Variants in SFRP4 observed in about 807,000 individuals in gnomAD.
The protein encoded by SFRP4 is secreted frizzled-related protein 4.
SFRP4 carries 25 observed loss-of-function variants against 36.3 expected under a neutral mutation model. The ratio of observed to expected loss-of-function variants is 0.69; its 90% CI spans 0.50 to 0.96. The LOEUF (loss-of-function observed/expected upper bound fraction) is 0.96, where lower values mean the gene tolerates loss of function less well. Ranked by LOEUF, SFRP4 falls within the 40% of genes least tolerant of loss-of-function variation. The probability of loss-of-function intolerance (pLI) is 0.00; values close to 1 mark genes in which losing one functional copy is unlikely to be tolerated. For missense variants in SFRP4, 487 were observed against 459.6 expected, an observed-to-expected ratio of 1.06 and a Z score of -0.54; for synonymous variants, 182 against 168.8, an observed-to-expected ratio of 1.08 and a Z score of -0.60.
At chr7:37,912,375 G>A (rs1785507003) in intron 3 of SFRP4, 58 bp from the exon 4 acceptor site, 1 of 1,383,808 alleles carries the variant, frequency 7.2e-7, no homozygotes, top group Non-Finnish European at 1.0e-6. Context: ...AACTAGGGAT[G>A]GTGTATTCAT....
At chr7:37,914,156 T>G in intron 3 of SFRP4, 57 bp downstream of exon 3, 2 of 1,349,736 alleles carry the variant, frequency 1.5e-6, no homozygotes, top group South Asian at 2.4e-5. Flanking sequence ...CTTATTGAGA[T>G]TCCAGCTTTG....
chr7:37,911,224 G>GT (rs1785481017), intron 4 of SFRP4, among the ~76,000 whole-genome samples: 1 of 152,220 alleles, frequency 6.6e-6, no homozygotes, highest in Non-Finnish European at 1.5e-5. Context: ...TATCCATGTT[G>GT]TAAGGAGGGC....
At chr7:37,913,514 T>C (rs1583655246) in intron 3 of SFRP4, among the ~76,000 whole-genome samples, 1 of 152,240 alleles carries the variant, frequency 6.6e-6, no homozygotes, top group South Asian at 2.1e-4. Flanking sequence ...GCCTTTTACA[T>C]TTCTTTTTGA....
Position 37,914,205 on chromosome 7 carries a change from C to CAGTCG in SFRP4, c.592+7_592+8insCGACT, listed in dbSNP as rs748973401. On this transcript the variant is annotated splice_region_variant and intron_variant, in intron 3 of 5. Coordinates refer to ENST00000436072, the MANE Select transcript of SFRP4 (RefSeq NM_003014.4). ...CTCAAAAGTAAATGGCTTTAACAGA[C>CAGTCG]GACTTACCATAGCTGTAGTTTTTGC... The CAGTCG allele has an allele frequency of 1.6e-5, 25 of 1,610,772 alleles. No individual in the cohort carries two copies. The East Asian group carries it at 2.7e-4, about 17-fold the overall frequency.
chr7:37,910,987 G>T (rs1343349701), intron 4 of SFRP4, among the ~76,000 whole-genome samples: 1 of 152,128 alleles, frequency 6.6e-6, no homozygotes, highest in African/African-American at 2.4e-5. Flanking sequence ...TCATTTGTGA[G>T]GACATAAATC....
chr7:37,916,339 C>A lies in SFRP4; in HGVS notation c.199G>T (p.Val67Leu), dbSNP rs1482121931. ...AIEQYEELVD[V>L]NCSAVLRFFL... ...AAGCGCAGCACGGCGCTGCAGTTCA[C>A]GTCCACCAGCTCCTCGTACTGCTCG... is the stretch of plus-strand genomic sequence containing the variant. The change falls in exon 1 of 6, where the codon GTG (valine) becomes TTG (leucine). Residue 67 changes from valine (V) to leucine (L), a missense_variant. Coordinates refer to ENST00000436072, the MANE Select transcript of SFRP4 (RefSeq NM_003014.4). This position sits in a 1 kb window ranked among gnomAD's most constrained non-coding sequence, Gnocchi z 4.1. The A allele has an allele frequency of 1.2e-6, 2 of 1,614,128 alleles. No individual in the cohort carries two copies. The highest frequency in any genetic ancestry group is 3.3e-5 in the Admixed American group (2 of 60,014).
chr7:37,915,089 G>A lies in SFRP4; in HGVS notation c.446-636C>T, dbSNP rs141775790. Among the ~76,000 whole-genome samples the A allele has an allele frequency of 3.9e-3, 599 of 152,246 alleles. 1 individual carries two copies. Among genetic ancestry groups the A allele is most frequent in the Non-Finnish European group, 5.2e-3 (354 of 68,016 alleles). On this transcript the variant is annotated intron_variant, in intron 1 of 5. Transcript: ENST00000436072. ...CTCTCTCCCAAAGTCATATTTAAATGTTGATTTTCCAAGTTAACAGTTTAT... is the reference window on the plus strand; with the variant it reads ...CTCTCTCCCAAAGTCATATTTAAATATTGATTTTCCAAGTTAACAGTTTAT...
chr7:37,911,340 G>A (rs1414136636), intron 4 of SFRP4, among the ~76,000 whole-genome samples: 1 of 152,188 alleles, frequency 6.6e-6, no homozygotes, highest in African/African-American at 2.4e-5. Flanking sequence ...AAACAGATGA[G>A]CATTAACAGC....
chr7:37,916,452 A>T lies in SFRP4; in HGVS notation c.86T>A (p.Ile29Asn), dbSNP rs1785579376. ...VRGAPCEAVRIPMCRHMPWNI... is the reference protein window; with the variant it reads ...VRGAPCEAVRNPMCRHMPWNI... ...CCAGGGCATGTGCCGGCACATAGGG[A>T]TGCGCACCGCCTCGCAGGGCGCGCC... Residue 29 changes from isoleucine to asparagine, a missense_variant, in exon 1 of 6, where the codon ATC (isoleucine) becomes AAC (asparagine). By Grantham distance (149) the Ile-to-Asn change is moderately radical. Coordinates refer to ENST00000436072, the MANE Select transcript of SFRP4 (RefSeq NM_003014.4). The surrounding 1 kb of genome is among the most constrained non-coding windows in gnomAD (Gnocchi z 4.1). 1 of 1,613,576 alleles carries T rather than the reference A, an allele frequency of 6.2e-7. No homozygotes were observed. The highest frequency in any genetic ancestry group is 8.5e-7 in the Non-Finnish European group (1 of 1,179,732).
chr7:37,912,378 G>A (rs1785507072), intron 3 of SFRP4, 61 bp from the exon 4 acceptor site: 11 of 1,318,396 alleles, frequency 8.3e-6, no homozygotes, highest in Admixed American at 3.5e-5. Context: ...TAGGGATGGT[G>A]TATTCATGCC....
At chr7:37,913,978 A>AT (rs1329930871) in intron 3 of SFRP4, among the ~76,000 whole-genome samples, 1 of 152,182 alleles carries the variant, frequency 6.6e-6, no homozygotes, top group Non-Finnish European at 1.5e-5. Context: ...GATGCATGTA[A>AT]TTTTTATCAC....
chr7:37,908,646 A>G (rs556298137), intron 5 of SFRP4, among the ~76,000 whole-genome samples: 1 of 152,292 alleles, frequency 6.6e-6, no homozygotes, highest in Admixed American at 6.5e-5. Context: ...TCAGGTTCTC[A>G]TGGTCTGCTT....
Position 37,916,515 on chromosome 7 carries a change from G to T in SFRP4, c.23C>A (p.Ala8Glu), listed in dbSNP as rs572680887. The T allele has an allele frequency of 7.5e-6, 12 of 1,610,226 alleles. No individual in the cohort carries two copies. The South Asian group carries it at 9.9e-5, about 13-fold the overall frequency. Residue 8 changes from alanine (A) to glutamate (E), a missense_variant, in exon 1 of 6, where the codon GCG becomes GAG. Coordinates refer to ENST00000436072, the MANE Select transcript of SFRP4 (RefSeq NM_003014.4). The surrounding 1 kb of genome is among the most constrained non-coding windows in gnomAD (Gnocchi z 4.1). ...CGCCAGGTGCAGCCACAGGCACAGC[G>T]CCACTAGGATGGAGAGGAACATGGC... Reference protein sequence around the residue: MFLSILVALCLWLHLALG... With the variant: MFLSILVELCLWLHLALG...
Position 37,912,194 on chromosome 7 carries a change from G to A in SFRP4, c.716C>T (p.Thr239Ile). The change falls in exon 4 of 6, where the codon ACA (threonine) becomes ATA (isoleucine). Residue 239 changes from threonine to isoleucine, a missense_variant. Thr to Ile is a moderately conservative substitution (Grantham distance 89). Coordinates refer to ENST00000436072, the MANE Select transcript of SFRP4 (RefSeq NM_003014.4). Reference sequence around the variant, plus strand: ...GTGTGGACACTGGCAAGAAGAATTTGTAATGAGCGGGACTTGAGTTCGAGG... The same window carrying A: ...GTGTGGACACTGGCAAGAAGAATTTATAATGAGCGGGACTTGAGTTCGAGG... ...PIPRTQVPLI[T>I]NSSCQCPHIL... 6.2e-7 allele frequency: 1 copy of A among 1,614,132 alleles called. No individual in the cohort carries two copies. Among genetic ancestry groups the A allele is most frequent in the Non-Finnish European group, 8.5e-7 (1 of 1,179,988 alleles).
rs998759550 is a variant in SFRP4 at position 37,907,349 on chromosome 7, T to C, written c.*130A>G. On this transcript the variant is annotated 3_prime_UTR_variant, in exon 6 of 6. Coordinates refer to ENST00000436072, the MANE Select transcript of SFRP4 (RefSeq NM_003014.4). ...TAGCCTTAAGAAAAATGCTGCAAGA[T>C]GTGTCTATGAAGAGCACTGCAGTGA... 3 of 670,700 alleles carry C rather than the reference T, an allele frequency of 4.5e-6. No homozygotes were observed. The highest frequency in any genetic ancestry group is 1.8e-5 in the African/African-American group (1 of 54,934). The allele number at this position is 670,700 out of a possible 1,614,324, so 41.5% of individuals were successfully genotyped here. A position where few individuals can be genotyped will look rare whatever the true frequency, so the allele number is the denominator to read the frequency against.
chr7:37,915,996 C>T (rs778867288), intron 1 of SFRP4, 97 bp downstream of exon 1: 9 of 1,499,536 alleles, frequency 6.0e-6, no homozygotes, highest in East Asian at 2.3e-5. Flanking sequence ...AAGCCTCAGA[C>T]GCCCCTGGCA....
rs373307181 is a variant in SFRP4, at chr7:37,912,096, T to A, written c.791+23A>T. The A allele has an allele frequency of 4.8e-5, 76 of 1,584,298 alleles. 3 individuals are homozygous for A. Among genetic ancestry groups the A allele is most frequent in the East Asian group, 1.8e-4 (8 of 44,710 alleles). On this transcript the variant is annotated intron_variant, in intron 4 of 5. Coordinates refer to ENST00000436072, the MANE Select transcript of SFRP4 (RefSeq NM_003014.4). ...GTCTTCCTAACAGTGTGCATACAGT[T>A]CCTTCTGCCTCTTTGTGCCTACCTT...
Position 37,907,347 on chromosome 7 carries a change from G to T in SFRP4, c.*132C>A. 1.5e-6 allele frequency: 1 copy of T among 667,638 alleles called. No homozygotes were observed. The highest frequency in any genetic ancestry group is 2.5e-6 in the Non-Finnish European group (1 of 398,066). The allele number at this position is 667,638 out of a possible 1,614,324, so 41.4% of individuals were successfully genotyped here. A position where few individuals can be genotyped will look rare whatever the true frequency, so the allele number is the denominator to read the frequency against. Reference sequence around the variant, plus strand: ...CATAGCCTTAAGAAAAATGCTGCAAGATGTGTCTATGAAGAGCACTGCAGT... The same window carrying T: ...CATAGCCTTAAGAAAAATGCTGCAATATGTGTCTATGAAGAGCACTGCAGT... On this transcript the variant is annotated 3_prime_UTR_variant, in exon 6 of 6. Coordinates refer to ENST00000436072, the MANE Select transcript of SFRP4 (RefSeq NM_003014.4).
At chr7:37,914,888 A>G (rs1022542484) in intron 1 of SFRP4, among the ~76,000 whole-genome samples, 2 of 152,182 alleles carry the variant, frequency 1.3e-5, no homozygotes, top group African/African-American at 4.8e-5. Context: ...AAGACAAAAA[A>G]TATTTATATA....
Sources: gnomAD v4.1 joint callset for allele counts (sites outside exome capture counted in the v4.1 genomes callset) on GRCh38, gnomAD v4.1.1 for gene constraint, Gnocchi (gnomAD v3.1) non-coding constraint, MANE v1.5 for transcripts, NCBI Gene and HGNC (gene_info 2026-07-23, HGNC 2026-07-21) for gene names.